The following RPL31 variants were observed in gnomAD, a reference collection of about 807,000 sequenced individuals.
RPL31 encodes ribosomal protein L31, also known as large ribosomal subunit protein eL31.
For synonymous variants in RPL31, 51 were observed against 55.0 expected (o/e 0.93, Z 0.32); for missense variants, 95 against 164.0 (o/e 0.58, Z 2.30).
At chr2:101,007,871 A>T (rs771908025), downstream of RPL31, 19 of 1,599,052 alleles carry the variant, frequency 1.2e-5, no homozygotes, top group Non-Finnish European at 1.6e-5. Flanking sequence ...CTCATTTCAA[A>T]AGTTTTGAGA....
downstream of RPL31, chr2:101,011,205 G>A (rs1267769148): frequency 1.4e-6 from 1 of 698,452 alleles, no homozygotes; most frequent in African/African-American, 1.8e-5. Context: ...GGGGACTTCT[G>A]CTCTAAGAGG....
At chr2:101,015,668 A>C (rs1351281353) in intron 4 of RPL31, among the ~76,000 whole-genome samples, 2 of 152,232 alleles carry the variant, frequency 1.3e-5, no homozygotes, top group Non-Finnish European at 2.9e-5. Context: ...CGTGACTTCA[A>C]ACTATACTAC....
intron 2 of RPL31, 74 bp from the exon 3 acceptor site, chr2:101,004,084 C>T: frequency 6.6e-7 from 1 of 1,524,066 alleles, no homozygotes. Flanking sequence ...CTATCATCGA[C>T]ATTGAGGATT....
At chr2:101,017,667 T>A (rs1319538764) in intron 4 of RPL31, among the ~76,000 whole-genome samples, 4 of 152,212 alleles carry the variant, frequency 2.6e-5, no homozygotes, top group Non-Finnish European at 5.9e-5. Context: ...GTATTTCCAA[T>A]TGTACTACAC....
chr2:101,008,110 C>T (rs372711937), downstream of RPL31: 53 of 1,613,744 alleles, frequency 3.3e-5, no homozygotes, highest in African/African-American at 6.5e-4. Flanking sequence ...CAGCTCCTCC[C>T]CACACTCCTG....
In RPL31 at chr2:101,006,402, T is replaced by TAA. The variant is rs1678739372; in HGVS notation, c.*23_*24dup. ...ACTAATCGCTGATCGTCAGATCAAA[T>TAA]AAAGTTATAAAATTGCCTTCATGTT... On this transcript the variant is annotated 3_prime_UTR_variant, in exon 5 of 5. Coordinates refer to ENST00000264258, the MANE Select transcript of RPL31 (RefSeq NM_000993.5). 2 of 1,606,196 alleles carry TAA rather than the reference T, an allele frequency of 1.2e-6. No individual in the cohort carries two copies. The highest frequency in any genetic ancestry group is 3.4e-5 in the Admixed American group (2 of 58,128).
At chr2:101,013,309 T>C (rs549830831) in intron 4 of RPL31, among the ~76,000 whole-genome samples, 77 of 152,344 alleles carry the variant, frequency 5.1e-4, no homozygotes, top group South Asian at 5.0e-3. Context: ...TTATGCATTA[T>C]GGGAAATAGT....
At chr2:101,014,741 C>T (rs529266154) in intron 4 of RPL31, among the ~76,000 whole-genome samples, 13 of 152,218 alleles carry the variant, frequency 8.5e-5, no homozygotes, top group Admixed American at 3.3e-4. Flanking sequence ...AAAGCAAGAG[C>T]GTACAGAGTT....
chr2:101,018,668 C>T (rs1484486703), intron 4 of RPL31, among the ~76,000 whole-genome samples: 4 of 152,178 alleles, frequency 2.6e-5, no homozygotes, highest in African/African-American at 9.7e-5. Flanking sequence ...TCTCAGAGTT[C>T]GCAGAAGGAA....
downstream of RPL31, among the ~76,000 whole-genome samples, chr2:101,010,606 C>G (rs185849347): frequency 6.1e-5 from 9 of 147,602 alleles, no homozygotes; most frequent in East Asian, 1.8e-3. Flanking sequence ...AATTCTCGGT[C>G]GGGCGCGGTG....
intron 2 of RPL31, 76 bp from the exon 3 acceptor site, chr2:101,004,082 G>GAT (rs1266477898): frequency 5.3e-6 from 8 of 1,505,474 alleles, no homozygotes; most frequent in Non-Finnish European, 6.3e-6. Flanking sequence ...GCCTATCATC[G>GAT]ACATTGAGGA....
intron 1 of RPL31, 29 bp from the exon 2 acceptor site, chr2:101,002,673 C>T: frequency 1.3e-6 from 2 of 1,566,184 alleles, no homozygotes; most frequent in Non-Finnish European, 8.8e-7. Context: ...TTAAACTCTG[C>T]TCTGAGCCTC....
At chr2:101,014,605 C>A (rs1679476657) in intron 4 of RPL31, among the ~76,000 whole-genome samples, 1 of 152,220 alleles carries the variant, frequency 6.6e-6, no homozygotes, top group African/African-American at 2.4e-5. Flanking sequence ...TCCATTTCAC[C>A]TGGTGAGCCT....
At chr2:101,011,204 T>G (rs911635804), downstream of RPL31, 1 of 706,214 alleles carries the variant, frequency 1.4e-6, no homozygotes, top group African/African-American at 1.8e-5. Context: ...GGGGGACTTC[T>G]GCTCTAAGAG....
downstream of RPL31, among the ~76,000 whole-genome samples, chr2:101,009,474 C>A (rs891270301): frequency 7.9e-5 from 12 of 151,234 alleles, no homozygotes; most frequent in African/African-American, 2.7e-4. Flanking sequence ...GGGAAAAGAT[C>A]CATGGTTATT....
intron 4 of RPL31, among the ~76,000 whole-genome samples, chr2:101,018,542 G>A (rs1679823547): frequency 6.6e-6 from 1 of 152,176 alleles, no homozygotes; most frequent in Non-Finnish European, 1.5e-5. Context: ...CACAAAGACT[G>A]GAGCAGCTTC....
downstream of RPL31, chr2:101,007,709 A>C (rs1167684438): frequency 6.4e-6 from 7 of 1,097,812 alleles, no homozygotes; most frequent in Non-Finnish European, 9.2e-6. Context: ...GTTTAGCCAG[A>C]TGCCCCATTG....
chr2:101,013,503 C>A (rs548063169), intron 4 of RPL31, among the ~76,000 whole-genome samples: 1 of 152,210 alleles, frequency 6.6e-6, no homozygotes, highest in South Asian at 2.1e-4. Flanking sequence ...CAAGTACTAC[C>A]CAAGTTAAAA....
At chr2:101,005,728 A>G in intron 3 of RPL31, 1 of 547,966 alleles carries the variant, frequency 1.8e-6, no homozygotes, top group South Asian at 2.4e-5. Context: ...GTTGGGTATC[A>G]ATGGTGGCTA....
Sources: allele counts gnomAD v4.1 joint callset (sites outside exome capture counted in the v4.1 genomes callset), GRCh38; gene constraint gnomAD v4.1.1; transcripts MANE v1.5; gene names NCBI Gene and HGNC (gene_info 2026-07-23, HGNC 2026-07-21).